EIPR1: variants seen among roughly 807,000 people sequenced by gnomAD.
The protein encoded by EIPR1 is EARP and GARP complex-interacting protein 1.
EIPR1 carries 25 observed loss-of-function variants against 48.1 expected under a neutral mutation model. The ratio of observed to expected loss-of-function variants is 0.52; its 90% CI spans 0.38 to 0.73. EIPR1 has a LOEUF of 0.73. EIPR1 is among the 30% of genes least tolerant of loss of function. The pLI is 0.00. For synonymous variants in EIPR1, 204 were observed against 201.9 expected, an observed-to-expected ratio of 1.01 and a Z score of -0.09; for missense variants, 415 against 506.2, an observed-to-expected ratio of 0.82 and a Z score of 1.73.
At chr2:3,263,699 C>T (rs975787098) in intron 3 of EIPR1, among the ~76,000 whole-genome samples, 6 of 152,078 alleles carry the variant, frequency 3.9e-5, no homozygotes, top group African/African-American at 1.2e-4. Flanking sequence ...CGGCACGGTG[C>T]GGCCAGCGCC....
intron 2 of EIPR1, among the ~76,000 whole-genome samples, chr2:3,346,168 G>A (rs1358452442): frequency 6.6e-6 from 1 of 152,270 alleles, no homozygotes; most frequent in East Asian, 1.9e-4. Context: ...CCCAAGGGCG[G>A]CAGCAGGGCC....
intron 4 of EIPR1, among the ~76,000 whole-genome samples, chr2:3,239,500 G>C (rs1014134726): frequency 5.3e-5 from 8 of 152,176 alleles, no homozygotes; most frequent in Admixed American, 4.6e-4. Context: ...CCATGAGGTG[G>C]ATCCGTCTTC....
Position 3,257,617 on chromosome 2 carries a change from C to T in EIPR1, c.260-162G>A, listed in dbSNP as rs577260241. 5.2e-5 allele frequency: 40 copies of T among 773,048 alleles called. No homozygotes were observed. The South Asian group carries it at 8.7e-4, about 17-fold the overall frequency. 47.9% of individuals were successfully genotyped at this position (773,048 alleles called of 1,614,324 possible). A position where few individuals can be genotyped will look rare whatever the true frequency, so the allele number is the denominator to read the frequency against. On this transcript the variant is annotated intron_variant, in intron 3 of 8. Coordinates refer to ENST00000382125, the MANE Select transcript of EIPR1 (RefSeq NM_003310.5). ...AAGACGGAGCAGGGAGAAGCACAGC[C>T]TGAGTCGGCAGGCAGAACCCGGCAC... is the stretch of plus-strand genomic sequence containing the variant.
chr2:3,205,727 C>A (rs575286540), intron 5 of EIPR1, among the ~76,000 whole-genome samples: 2 of 152,138 alleles, frequency 1.3e-5, no homozygotes, highest in Non-Finnish European at 2.9e-5. Flanking sequence ...GTGAATGCCC[C>A]GAGCTTGAAC....
intron 8 of EIPR1, among the ~76,000 whole-genome samples, chr2:3,191,160 G>C (rs1476079150): frequency 1.3e-5 from 2 of 152,014 alleles, no homozygotes; most frequent in East Asian, 3.9e-4. Flanking sequence ...CGCCACTGCA[G>C]AAAGGGTCCA....
chr2:3,265,996 G>C (rs566051750), intron 3 of EIPR1, among the ~76,000 whole-genome samples: 2 of 152,284 alleles, frequency 1.3e-5, no homozygotes, highest in South Asian at 4.1e-4. Context: ...GTTAACACAA[G>C]AGCTCAAGGC....
At chr2:3,302,287 G>A (rs1479976786) in intron 3 of EIPR1, among the ~76,000 whole-genome samples, 2 of 152,196 alleles carry the variant, frequency 1.3e-5, no homozygotes, top group Admixed American at 6.5e-5. Context: ...ATATTCTGTG[G>A]TTCTGGTGAA....
intron 4 of EIPR1, among the ~76,000 whole-genome samples, chr2:3,218,494 G>C (rs1427784088): frequency 8.9e-5 from 9 of 100,962 alleles, no homozygotes; most frequent in East Asian, 3.3e-4. Flanking sequence ...ACACCCAGCA[G>C]GGCCCTGGTA....
At chr2:3,232,709 C>T (rs371675576) in intron 4 of EIPR1, among the ~76,000 whole-genome samples, 1 of 152,116 alleles carries the variant, frequency 6.6e-6, no homozygotes. Flanking sequence ...AGAGCCGGTT[C>T]CCCCATGTTG....
At chr2:3,217,446 G>A (rs568712527) in intron 4 of EIPR1, among the ~76,000 whole-genome samples, 1 of 152,236 alleles carries the variant, frequency 6.6e-6, no homozygotes, top group South Asian at 2.1e-4. Flanking sequence ...ATAAACATAG[G>A]TACTTCGTAA....
chr2:3,203,669 A>G (rs1355356836), intron 5 of EIPR1, among the ~76,000 whole-genome samples: 1 of 152,232 alleles, frequency 6.6e-6, no homozygotes, highest in Admixed American at 6.5e-5. Flanking sequence ...TGGCCCTCGG[A>G]CTTGGTGGCC....
chr2:3,210,695 T>C (rs1329328277), intron 5 of EIPR1, among the ~76,000 whole-genome samples: 2 of 149,318 alleles, frequency 1.3e-5, no homozygotes, highest in African/African-American at 2.5e-5. Flanking sequence ...AGTGGCGTGA[T>C]CTTGGCTCAC....
At chr2:3,340,355 G>A (rs1378970480) in intron 2 of EIPR1, among the ~76,000 whole-genome samples, 1 of 152,198 alleles carries the variant, frequency 6.6e-6, no homozygotes, top group Non-Finnish European at 1.5e-5. Flanking sequence ...CTTGCCCGAG[G>A]CAGAGCAGGA....
intron 4 of EIPR1, among the ~76,000 whole-genome samples, chr2:3,239,896 G>A (rs1019970997): frequency 6.6e-5 from 10 of 152,218 alleles, no homozygotes; most frequent in African/African-American, 2.2e-4. Context: ...ACATAAACAG[G>A]TCTCTTTGTT....
intron 5 of EIPR1, among the ~76,000 whole-genome samples, chr2:3,204,576 T>C (rs1489605473): frequency 2.6e-5 from 4 of 152,192 alleles, no homozygotes; most frequent in Admixed American, 2.6e-4. Flanking sequence ...AAAGGAATGA[T>C]TAAAGGCGCC....
chr2:3,204,022 C>G (rs1306021558), intron 5 of EIPR1, among the ~76,000 whole-genome samples: 1 of 152,244 alleles, frequency 6.6e-6, no homozygotes, highest in Non-Finnish European at 1.5e-5. Context: ...GCTGAGGTCA[C>G]ACACGTGGGC....
intron 4 of EIPR1, among the ~76,000 whole-genome samples, chr2:3,226,030 C>T (rs1363088844): frequency 6.6e-6 from 1 of 152,196 alleles, no homozygotes; most frequent in African/African-American, 2.4e-5. Context: ...TTCTTTATCC[C>T]TTCATCTGTC....
At chr2:3,370,832 G>T (rs1230233101) in intron 1 of EIPR1, among the ~76,000 whole-genome samples, 1 of 152,108 alleles carries the variant, frequency 6.6e-6, no homozygotes, top group African/African-American at 2.4e-5. Flanking sequence ...TTATCCAGGA[G>T]AACTTCCCCA....
chr2:3,372,660 C>G (rs1010125292), intron 1 of EIPR1, among the ~76,000 whole-genome samples: 20 of 152,298 alleles, frequency 1.3e-4, no homozygotes, highest in African/African-American at 3.4e-4. Flanking sequence ...AACACATACA[C>G]TCTCCCAAGA....
Sources: gnomAD v4.1 joint callset for allele counts (sites outside exome capture counted in the v4.1 genomes callset) on GRCh38, gnomAD v4.1.1 for gene constraint, MANE v1.5 for transcripts, NCBI Gene and HGNC (gene_info 2026-07-23, HGNC 2026-07-21) for gene names.